Variants in AP3S2 observed in about 807,000 individuals in gnomAD.
The protein encoded by AP3S2 is adaptor related protein complex 3 subunit sigma 2.
A neutral mutation model predicts 23.4 loss-of-function variants in AP3S2; 22 were observed. The observed-to-expected ratio is 0.94, with a 90% CI of 0.67 to 1.34. The LOEUF is 1.34. Among genes scored for constraint, AP3S2 ranks in the 40% most tolerant of loss-of-function variants. The probability of loss-of-function intolerance (pLI) is 0.00; values close to 1 mark genes in which losing one functional copy is unlikely to be tolerated. For missense variants in AP3S2, 241 were observed against 236.9 expected (o/e 1.02, Z -0.11); for synonymous variants, 86 against 87.1 (o/e 0.99, Z 0.07).
chr15:89,866,705 G>A (rs1044951861), intron 4 of AP3S2, among the ~76,000 whole-genome samples: 3 of 151,744 alleles, frequency 2.0e-5, no homozygotes. Context: ...GGCTGGTCTC[G>A]AACTCCCGAC....
chr15:89,889,491 C>T lies in AP3S2; in HGVS notation c.70-351G>A, dbSNP rs552895923. The T allele has an allele frequency of 3.1e-5, 7 of 229,460 alleles. No homozygotes were observed. In the South Asian group the frequency reaches 4.3e-4, roughly 14 times the overall value. The allele number at this position is 229,460 out of a possible 1,614,324, so 14.2% of individuals were successfully genotyped here. On this transcript the variant is annotated intron_variant, in intron 1 of 5. Transcript: ENST00000336418. ...GCCTGATCCTGAAATATTTTGTCTT[C>T]CCCTGGAAAACATCTATGACAAAGA...
chr15:89,890,154 AT>A (rs1567190106), intron 1 of AP3S2, among the ~76,000 whole-genome samples: 1 of 150,428 alleles, frequency 6.6e-6, no homozygotes. Context: ...GGTTCAAGCG[AT>A]TCTCCTGCCT....
chr15:89,857,856 G>A lies in AP3S2; in HGVS notation c.345+13619C>T, dbSNP rs188826562. ...GATCATTTCCCCATCCCTTGGGTGG[G>A]AGCATGTGACTGATTTTGATCACTG... On this transcript the variant is annotated intron_variant, in intron 4 of 5. Coordinates refer to ENST00000336418, the MANE Select transcript of AP3S2 (RefSeq NM_005829.5). 7.1e-4 allele frequency among the ~76,000 whole-genome samples: 108 copies of A among 152,202 alleles called. 1 individual carries two copies. The highest frequency in any genetic ancestry group is 1.1e-3 in the Non-Finnish European group (78 of 68,024).
At chr15:89,862,868 T>A (rs1426163378) in intron 4 of AP3S2, among the ~76,000 whole-genome samples, 2 of 152,162 alleles carry the variant, frequency 1.3e-5, no homozygotes, top group Non-Finnish European at 2.9e-5. Context: ...CATTTGGGAA[T>A]TACCTACATA....
chr15:89,846,057 T>C (rs1895479471), intron 4 of AP3S2, among the ~76,000 whole-genome samples: 1 of 152,222 alleles, frequency 6.6e-6, no homozygotes, highest in South Asian at 2.1e-4. Context: ...GATATCTTGA[T>C]ATAAGGGGAA....
At chr15:89,863,509 A>C (rs1472396772) in intron 4 of AP3S2, among the ~76,000 whole-genome samples, 1 of 152,194 alleles carries the variant, frequency 6.6e-6, no homozygotes, top group Non-Finnish European at 1.5e-5. Flanking sequence ...AAATGGAATG[A>C]AATAAACCCT....
intron 4 of AP3S2, among the ~76,000 whole-genome samples, chr15:89,869,076 A>G (rs1380848288): frequency 3.3e-5 from 5 of 152,228 alleles, no homozygotes; most frequent in Admixed American, 6.5e-5. Flanking sequence ...GGTGTGCCCA[A>G]CAGCTCATTG....
rs768989451 is a variant in AP3S2, at chr15:89,889,158, A to C, written c.70-18T>G. ...TCTTCTGGCTATGAAACAAAAAGAT[A>C]AGTGAATCAGTGGGCAAGCCTGAAA... On this transcript the variant is annotated intron_variant, in intron 1 of 5. Transcript: ENST00000336418. 2 of 1,613,932 alleles carry C rather than the reference A, an allele frequency of 1.2e-6. No individual in the cohort carries two copies. The highest frequency in any genetic ancestry group is 1.7e-6 in the Non-Finnish European group (2 of 1,179,958).
rs1453922302 is a variant in AP3S2, at chr15:89,831,148, T to TA, written c.*4366dup. On this transcript the variant is annotated 3_prime_UTR_variant, in exon 6 of 6. Transcript: ENST00000336418. ...AAATTTTAAGTCTTTTGGAAAGAATTAATCATTTTCATGGAACTGCTTCCC... is the reference window on the plus strand; with the variant it reads ...AAATTTTAAGTCTTTTGGAAAGAATTAAATCATTTTCATGGAACTGCTTCCC... The TA allele has an allele frequency of 6.6e-6, 1 of 152,140 alleles. No individual in the cohort carries two copies. Among genetic ancestry groups the TA allele is most frequent in the Non-Finnish European group, 1.5e-5 (1 of 68,012 alleles). 9.4% of individuals were successfully genotyped at this position (152,140 alleles called of 1,614,324 possible).
chr15:89,878,636 C>T (rs1271956937), intron 3 of AP3S2, among the ~76,000 whole-genome samples: 5 of 152,172 alleles, frequency 3.3e-5, no homozygotes, highest in Admixed American at 3.3e-4. Context: ...TCATAGCTCA[C>T]TGCAGCCCTG....
chr15:89,849,413 C>A (rs966095161), intron 4 of AP3S2, among the ~76,000 whole-genome samples: 1 of 152,002 alleles, frequency 6.6e-6, no homozygotes, highest in Non-Finnish European at 1.5e-5. Flanking sequence ...GTCGCTCAGG[C>A]TGGAGTGCAG....
Position 89,831,062 on chromosome 15 carries a change from T to C in AP3S2, c.*4453A>G, listed in dbSNP as rs1484665368. ...TCTTTTGCTGAACAGACTTTTGTTT[T>C]CTTAAGTTTTGAACTACATGAATGT... On this transcript the variant is annotated 3_prime_UTR_variant, in exon 6 of 6. Coordinates refer to ENST00000336418, the MANE Select transcript of AP3S2 (RefSeq NM_005829.5). 1.3e-5 allele frequency: 2 copies of C among 152,714 alleles called. No homozygotes were observed. The highest frequency in any genetic ancestry group is 4.8e-5 in the African/African-American group (2 of 41,462). 9.5% of individuals were successfully genotyped at this position (152,714 alleles called of 1,614,324 possible). A position where few individuals can be genotyped will look rare whatever the true frequency, so the allele number is the denominator to read the frequency against.
chr15:89,838,624 C>T (rs1596185312), intron 4 of AP3S2, among the ~76,000 whole-genome samples: 1 of 152,178 alleles, frequency 6.6e-6, no homozygotes. Context: ...AAATGGCCCT[C>T]AAGGTGCTTT....
At chr15:89,884,651 T>C (rs867200672) in intron 3 of AP3S2, among the ~76,000 whole-genome samples, 43 of 126,896 alleles carry the variant, frequency 3.4e-4, no homozygotes, top group African/African-American at 7.7e-4. Flanking sequence ...CATCTTCCCC[T>C]TTTTTTTTTT....
In AP3S2 at chr15:89,849,782, A is replaced by G. The variant is rs147043992; in HGVS notation, c.346-12060T>C. Reference sequence around the variant, plus strand: ...CCATGGTGGTTTGTTGCACCCATCAACTGGTCATCTACATTAGGTATTTCT... The same window carrying G: ...CCATGGTGGTTTGTTGCACCCATCAGCTGGTCATCTACATTAGGTATTTCT... On this transcript the variant is annotated intron_variant, in intron 4 of 5. Transcript: ENST00000336418. Among the ~76,000 whole-genome samples, 977 of 152,206 alleles carry G rather than the reference A, an allele frequency of 6.4e-3. 11 individuals carry two copies. The highest frequency in any genetic ancestry group is 0.022 in the African/African-American group (921 of 41,542).
Position 89,886,913 on chromosome 15 carries a change from A to G in AP3S2, c.273+1608T>C, listed in dbSNP as rs145800482. Among the ~76,000 whole-genome samples, 886 of 151,842 alleles carry G rather than the reference A, an allele frequency of 5.8e-3. 11 individuals are homozygous for G. Among genetic ancestry groups the G allele is most frequent in the African/African-American group, 0.021 (852 of 41,430 alleles). On this transcript the variant is annotated intron_variant, in intron 3 of 5. Transcript: ENST00000336418. ...GGGTTCATGCGATTCTCCCACCTCAACCTCCCAAGTAGCTGGGAGTACAGG... is the reference window on the plus strand; with the variant it reads ...GGGTTCATGCGATTCTCCCACCTCAGCCTCCCAAGTAGCTGGGAGTACAGG...
intron 4 of AP3S2, among the ~76,000 whole-genome samples, chr15:89,868,501 G>A (rs1176953647): frequency 1.4e-5 from 1 of 71,628 alleles, no homozygotes; most frequent in Non-Finnish European, 2.9e-5. Flanking sequence ...CCAGCCGCCC[G>A]GTCCGGGAGG....
intron 1 of AP3S2, 81 bp downstream of exon 1, chr15:89,893,800 C>A: frequency 7.1e-7 from 1 of 1,414,778 alleles, no homozygotes; most frequent in African/African-American, 1.4e-5. Flanking sequence ...AGAGCGGTGC[C>A]CCCGGGCGCC....
At chr15:89,874,130 T>G (rs1896386452) in intron 3 of AP3S2, among the ~76,000 whole-genome samples, 2 of 14,886 alleles carry the variant, frequency 1.3e-4, no homozygotes, top group Admixed American at 1.1e-3. Flanking sequence ...GTTTTGGGTT[T>G]TTTTTTTTTT....
Sources: allele counts gnomAD v4.1 joint callset (sites outside exome capture counted in the v4.1 genomes callset), GRCh38; gene constraint gnomAD v4.1.1; transcripts MANE v1.5; gene names NCBI Gene and HGNC (gene_info 2026-07-23, HGNC 2026-07-21).